The following DZIP1L variants were observed in gnomAD, a reference collection of about 807,000 sequenced individuals.
The protein encoded by DZIP1L is DAZ interacting zinc finger protein 1 like.
Under a neutral mutation model 88.7 loss-of-function variants are expected in DZIP1L, and 90 were observed. The ratio of observed to expected loss-of-function variants is 1.02; its 90% confidence interval spans 0.86 to 1.21. The LOEUF is 1.21. Among genes scored for constraint, DZIP1L ranks in the 50% most tolerant of loss-of-function variants. The probability of loss-of-function intolerance (pLI) is 0.00; values close to 1 mark genes in which losing one functional copy is unlikely to be tolerated. For missense variants in DZIP1L, 932 were observed against 955.8 expected (o/e 0.98, Z 0.33); for synonymous variants, 363 against 372.1 (o/e 0.98, Z 0.28).
chr3:138,108,104 C>T (rs2042547422), intron 1 of DZIP1L: 1 of 647,218 alleles, frequency 1.5e-6, no homozygotes, highest in Non-Finnish European at 1.9e-6. Flanking sequence ...CTGCCTCAGC[C>T]TCCCAAGTAG....
chr3:138,068,377 C>T lies in DZIP1L; in HGVS notation c.1616-10G>A. On this transcript the variant is annotated splice_polypyrimidine_tract_variant and intron_variant, in intron 12 of 15. Transcript: ENST00000327532. ...CTCTGCTGGCTTTTGACTGGAAACA[C>T]AGAAAGGAATGATTTTTGGAGTACA... 1 of 1,484,958 alleles carries T rather than the reference C, an allele frequency of 6.7e-7. No homozygotes were observed. Among genetic ancestry groups the T allele is most frequent in the South Asian group, 1.4e-5 (1 of 72,100 alleles). 92.0% of individuals were successfully genotyped at this position (1,484,958 alleles called of 1,614,324 possible).
At position 138,063,621 on chromosome 3, in the gene DZIP1L, C is replaced by T. The variant is rs1474379879; in HGVS notation, c.2143-644G>A. On this transcript the variant is annotated intron_variant, in intron 15 of 15. Coordinates refer to ENST00000327532, the MANE Select transcript of DZIP1L (RefSeq NM_173543.3). The surrounding 1 kb of genome is among the most constrained non-coding windows in gnomAD (Gnocchi z 4.1). ...CACCTGGGCTTTGATACAAGCCATCCTATGCATCTTCTCCAGGAATGTAAG... is the reference window on the plus strand; with the variant it reads ...CACCTGGGCTTTGATACAAGCCATCTTATGCATCTTCTCCAGGAATGTAAG... 6.6e-6 allele frequency among the ~76,000 whole-genome samples: 1 copy of T among 152,224 alleles called. No individual in the cohort carries two copies. Among genetic ancestry groups the T allele is most frequent in the Non-Finnish European group, 1.5e-5 (1 of 68,024 alleles).
chr3:138,094,767 A>C (rs554820358), intron 4 of DZIP1L, 95 bp downstream of exon 4: 2 of 1,554,200 alleles, frequency 1.3e-6, no homozygotes, highest in African/African-American at 2.7e-5. Flanking sequence ...CTGGGAAACT[A>C]GCTGGAATTT....
intron 2 of DZIP1L, among the ~76,000 whole-genome samples, chr3:138,101,196 C>G (rs2042296595): frequency 6.6e-6 from 1 of 151,162 alleles, no homozygotes; most frequent in South Asian, 2.1e-4. Context: ...CATATATACC[C>G]TTCATTCATT....
chr3:138,077,727 A>G (rs1943479434), intron 10 of DZIP1L, 95 bp from the exon 11 acceptor site: 18 of 1,539,562 alleles, frequency 1.2e-5, no homozygotes, highest in Middle Eastern at 3.8e-4. Context: ...CACTGCCAGG[A>G]ATCCTGGTCG....
intron 14 of DZIP1L, among the ~76,000 whole-genome samples, chr3:138,066,116 G>A (rs1165480838): frequency 6.6e-6 from 1 of 152,210 alleles, no homozygotes; most frequent in Non-Finnish European, 1.5e-5. Context: ...TGCTATAAAG[G>A]TTGACTGTGG....
Position 138,085,128 on chromosome 3 carries a change from C to T in DZIP1L, c.1063-875G>A, listed in dbSNP as rs560612917. On this transcript the variant is annotated intron_variant, in intron 7 of 15. Transcript: ENST00000327532. ...ATTCAAGATGGATTAAAGTCTTAAA[C>T]GTTAGACCTAAAACCATAAAAACCC... is the stretch of plus-strand genomic sequence containing the variant. 2.1e-3 allele frequency among the ~76,000 whole-genome samples: 325 copies of T among 152,250 alleles called. 1 individual carries two copies. Among genetic ancestry groups the T allele is most frequent in the African/African-American group, 7.4e-3 (307 of 41,534 alleles).
chr3:138,098,502 C>G (rs1480963662), intron 2 of DZIP1L, among the ~76,000 whole-genome samples: 1 of 152,242 alleles, frequency 6.6e-6, no homozygotes, highest in Admixed American at 6.5e-5. Flanking sequence ...ATCACATCGT[C>G]TTCTCACTGT....
intron 12 of DZIP1L, among the ~76,000 whole-genome samples, chr3:138,068,825 C>T (rs1029705046): frequency 1.3e-5 from 2 of 152,202 alleles, no homozygotes; most frequent in Non-Finnish European, 1.5e-5. Flanking sequence ...CAAATGCAGT[C>T]TGGGGCAAGG....
Position 138,068,300 on chromosome 3 carries a change from G to A in DZIP1L, c.1683C>T (p.Ala561=). 1.3e-6 allele frequency: 2 copies of A among 1,595,102 alleles called. No individual in the cohort carries two copies. Residue 561 remains alanine, a synonymous_variant, in exon 13 of 16, where the codon GCC becomes GCT. Transcript: ENST00000327532. ...AQPKTRTLQV[A]LPSTPAEPPP... ...GTGGCTCTGCCGGTGTGGATGGCAA[G>A]GCCACCTGCAGGGTCCTGGTCTTTG...
In DZIP1L at chr3:138,081,662, G is replaced by A. The variant is rs748440865; in HGVS notation, c.1234+72C>T. On this transcript the variant is annotated intron_variant, in intron 9 of 15. Coordinates refer to ENST00000327532, the MANE Select transcript of DZIP1L (RefSeq NM_173543.3). ...CACCACCCATGAATTGACTGGGGGAGAGGGAAAAGGAGGGAGAAAAGCCAG... is the reference window on the plus strand; with the variant it reads ...CACCACCCATGAATTGACTGGGGGAAAGGGAAAAGGAGGGAGAAAAGCCAG... The A allele has an allele frequency of 1.0e-5, 15 of 1,482,542 alleles. No homozygotes were observed. The South Asian group carries it at 1.4e-4, about 14-fold the overall frequency. The allele number at this position is 1,482,542 out of a possible 1,614,324, so 91.8% of individuals were successfully genotyped here.
intron 4 of DZIP1L, among the ~76,000 whole-genome samples, chr3:138,093,867 C>T (rs1345242916): frequency 6.6e-6 from 1 of 152,294 alleles, no homozygotes; most frequent in East Asian, 1.9e-4. Flanking sequence ...GATCTTCTAT[C>T]CAGACCACTA....
chr3:138,068,155 T>C lies in DZIP1L; in HGVS notation c.1828A>G (p.Met610Val). 2 of 1,502,832 alleles carry C rather than the reference T, an allele frequency of 1.3e-6. No individual in the cohort carries two copies. The highest frequency in any genetic ancestry group is 1.8e-6 in the Non-Finnish European group (2 of 1,122,566). The allele number at this position is 1,502,832 out of a possible 1,614,324, so 93.1% of individuals were successfully genotyped here. ...AGGGCAGAGTCTGGGGCTCACCTCA[T>C]CCCGGGCCCCGAGGAAGGAGGGGTG... Reference protein sequence around the residue: ...SSTPPSSGPGMSTPPFSSEED... With the variant: ...SSTPPSSGPGVSTPPFSSEED... The change falls in exon 13 of 16, where the codon ATG becomes GTG. Residue 610 changes from methionine (M) to valine (V), a missense_variant. Met to Val is a conservative substitution (Grantham distance 21). Transcript: ENST00000327532.
At chr3:138,105,727 T>G (rs7627226) in intron 1 of DZIP1L, among the ~76,000 whole-genome samples, 15,818 of 152,104 alleles carry the variant, frequency 0.1, 1,622 homozygotes, top group African/African-American at 0.27. Flanking sequence ...AGAGTCAACA[T>G]ATATATACAC....
At chr3:138,090,657 A>G (rs1425965147) in intron 5 of DZIP1L, among the ~76,000 whole-genome samples, 3 of 152,136 alleles carry the variant, frequency 2.0e-5, no homozygotes, top group African/African-American at 7.2e-5. Context: ...TGGAGCACCC[A>G]AGACTCCAGG....
At chr3:138,081,809 T>C (rs751401250) in intron 8 of DZIP1L, 45 bp from the exon 9 acceptor site, 11 of 1,601,064 alleles carry the variant, frequency 6.9e-6, no homozygotes, top group East Asian at 6.7e-5. Context: ...GCAGAGAACA[T>C]TGTGAGAACT....
At chr3:138,086,343 G>C (rs77349895) in intron 7 of DZIP1L, among the ~76,000 whole-genome samples, 2,913 of 151,932 alleles carry the variant, frequency 0.019, 100 homozygotes, top group African/African-American at 0.067. Context: ...CTACACCAGA[G>C]TGAGGAGCTC....
rs73867010 is a variant in DZIP1L at position 138,065,605 on chromosome 3, G to A, written c.2003-838C>T. Among the ~76,000 whole-genome samples, 416 of 152,314 alleles carry A rather than the reference G, an allele frequency of 2.7e-3. 3 individuals are homozygous for A. The highest frequency in any genetic ancestry group is 8.7e-3 in the African/African-American group (362 of 41,572). On this transcript the variant is annotated intron_variant, in intron 14 of 15. Transcript: ENST00000327532. ...CTATTGCCCTTGCCTGGTGGGCATC[G>A]ATACTTCTCCAAAGATCTGTTTCTG...
chr3:138,113,201 A>G (rs2724729), intron 1 of DZIP1L, among the ~76,000 whole-genome samples: 89,057 of 152,038 alleles, frequency 0.59, 28,080 homozygotes, highest in Non-Finnish European at 0.7. Context: ...GCACACTCCC[A>G]GTGACAAGTT....
Sources: allele counts gnomAD v4.1 joint callset (sites outside exome capture counted in the v4.1 genomes callset), GRCh38; gene constraint gnomAD v4.1.1; non-coding constraint Gnocchi (gnomAD v3.1); transcripts MANE v1.5; gene names NCBI Gene and HGNC (gene_info 2026-07-23, HGNC 2026-07-21).